The following GLIS3 variants were observed in gnomAD, a reference collection of about 807,000 sequenced individuals.
GLIS3 encodes zinc finger protein GLIS3.
Under a neutral mutation model 78.6 loss-of-function variants are expected in GLIS3, and 53 were observed. The ratio of observed to expected loss-of-function variants is 0.67; its 90% CI spans 0.54 to 0.85. The LOEUF (loss-of-function observed/expected upper bound fraction) is 0.85. Ranked by LOEUF, GLIS3 falls within the 40% of genes least tolerant of loss-of-function variation. The pLI is 0.00. For synonymous variants in GLIS3, 684 were observed against 509.9 expected, an observed-to-expected ratio of 1.34 and a Z score of -4.60; for missense variants, 1,703 against 1,231.1, an observed-to-expected ratio of 1.38 and a Z score of -5.74.
chr9:4,030,875 G>T (rs1288089334), intron 4 of GLIS3, among the ~76,000 whole-genome samples: 2 of 152,152 alleles, frequency 1.3e-5, no homozygotes, highest in Non-Finnish European at 2.9e-5. Context: ...AGCATCATGT[G>T]CTGACATTAT....
chr9:4,222,456 T>A (rs191788495), intron 2 of GLIS3, among the ~76,000 whole-genome samples: 1 of 152,194 alleles, frequency 6.6e-6, no homozygotes, highest in Admixed American at 6.5e-5. Flanking sequence ...GCCTACCCTA[T>A]CCCCCTGTGT....
At chr9:4,119,776 T>A (rs1832042466) in intron 3 of GLIS3, among the ~76,000 whole-genome samples, 1 of 152,232 alleles carries the variant, frequency 6.6e-6, no homozygotes, top group Admixed American at 6.5e-5. Flanking sequence ...CACAATATAT[T>A]ATCTGCATAT....
chr9:4,398,914 C>G, the GLIS3 span, among the ~76,000 whole-genome samples: 1 of 152,162 alleles, frequency 6.6e-6, no homozygotes, highest in Non-Finnish European at 1.5e-5. Flanking sequence ...GTCTTGAACT[C>G]CTAACCTTGT....
intron 4 of GLIS3, among the ~76,000 whole-genome samples, chr9:4,005,249 ATG>A (rs1821449962): frequency 6.6e-6 from 1 of 152,230 alleles, no homozygotes; most frequent in Non-Finnish European, 1.5e-5. Context: ...AAAATTTGAA[ATG>A]TGCATACTCT....
rs1821587705 is a variant in GLIS3 at position 3,879,573 on chromosome 9, A to G, written c.2151T>C (p.Tyr717=). 1 of 1,614,086 alleles carries G rather than the reference A, an allele frequency of 6.2e-7. No homozygotes were observed. The highest frequency in any genetic ancestry group is 8.5e-7 in the Non-Finnish European group (1 of 1,180,000). The part of the protein sequence containing the change: ...LYSAPIFSSN[Y]SSRSGTAAGA... ...CAGCAGCTGTTCCACTTCGGCTTGAATAATTGCTGGAGAAAATGGGAGCTG... is the reference window on the plus strand; with the variant it reads ...CAGCAGCTGTTCCACTTCGGCTTGAGTAATTGCTGGAGAAAATGGGAGCTG... The change falls in exon 8 of 11, where the codon TAT becomes TAC. Residue 717 remains tyrosine (Y), a synonymous_variant. Coordinates refer to ENST00000381971, the MANE Select transcript of GLIS3 (RefSeq NM_001042413.2).
chr9:4,025,018 G>A (rs183503121), intron 4 of GLIS3, among the ~76,000 whole-genome samples: 2 of 152,246 alleles, frequency 1.3e-5, no homozygotes, highest in East Asian at 3.9e-4. Flanking sequence ...GGAGGCCGAA[G>A]CGGGCAGATC....
intron 4 of GLIS3, among the ~76,000 whole-genome samples, chr9:4,076,439 C>G (rs893149772): frequency 1.3e-5 from 2 of 152,066 alleles, no homozygotes; most frequent in African/African-American, 4.8e-5. Context: ...TGCTCCCATA[C>G]CTAAAGTTTT....
chr9:4,163,053 G>A (rs1835621266), intron 2 of GLIS3, among the ~76,000 whole-genome samples: 3 of 152,200 alleles, frequency 2.0e-5, no homozygotes, highest in South Asian at 2.1e-4. Flanking sequence ...AACAATGCCT[G>A]GGCATCATGC....
At chr9:3,953,791 C>A (rs987032758) in intron 4 of GLIS3, among the ~76,000 whole-genome samples, 2,359 of 46,586 alleles carry the variant, frequency 0.051, 35 homozygotes, top group African/African-American at 0.073. Flanking sequence ...CTCTCTCTCT[C>A]TCTCTATATA....
chr9:4,042,167 G>A (rs1419661896), intron 4 of GLIS3, among the ~76,000 whole-genome samples: 3 of 152,020 alleles, frequency 2.0e-5, no homozygotes, highest in Non-Finnish European at 1.5e-5. Flanking sequence ...TTGGTCAGGA[G>A]CTTCCTGAAG....
chr9:4,111,580 C>T (rs1831211851), intron 4 of GLIS3, among the ~76,000 whole-genome samples: 1 of 152,178 alleles, frequency 6.6e-6, no homozygotes, highest in South Asian at 2.1e-4. Flanking sequence ...GTGGTCAATG[C>T]CCCATCTAAT....
chr9:4,106,534 T>C (rs1248471063), intron 4 of GLIS3, among the ~76,000 whole-genome samples: 1 of 152,154 alleles, frequency 6.6e-6, no homozygotes, highest in Non-Finnish European at 1.5e-5. Context: ...GGCAATTTCA[T>C]TTTGTTTGAA....
At chr9:4,134,139 C>T (rs1586766990) in intron 2 of GLIS3, among the ~76,000 whole-genome samples, 1 of 152,174 alleles carries the variant, frequency 6.6e-6, no homozygotes, top group East Asian at 1.9e-4. Flanking sequence ...ACTGTGCAAA[C>T]CTGTTTTATA....
At chr9:4,007,929 C>G (rs1479588523) in intron 4 of GLIS3, among the ~76,000 whole-genome samples, 1 of 151,214 alleles carries the variant, frequency 6.6e-6, no homozygotes, top group African/African-American at 2.4e-5. Flanking sequence ...TCTCTTATCA[C>G]TCCAGATAGC....
intron 4 of GLIS3, among the ~76,000 whole-genome samples, chr9:4,043,025 T>G (rs1563979440): frequency 6.6e-6 from 1 of 150,650 alleles, no homozygotes; most frequent in African/African-American, 2.4e-5. Context: ...TCAAAAGAAA[T>G]GGCTATTCTT....
chr9:4,437,078 T>C, the GLIS3 span, among the ~76,000 whole-genome samples: 1 of 151,998 alleles, frequency 6.6e-6, no homozygotes, highest in Non-Finnish European at 1.5e-5. Context: ...CATCAGGGTA[T>C]GAGGAAATAG....
chr9:4,068,792 A>G (rs1197229491), intron 4 of GLIS3, among the ~76,000 whole-genome samples: 1 of 151,466 alleles, frequency 6.6e-6, no homozygotes, highest in Non-Finnish European at 1.5e-5. Flanking sequence ...TCTTGACTAC[A>G]GGTTTTTGTT....
the GLIS3 span, among the ~76,000 whole-genome samples, chr9:4,366,018 G>C: frequency 6.6e-6 from 1 of 152,212 alleles, no homozygotes; most frequent in Non-Finnish European, 1.5e-5. Flanking sequence ...AGAGCTAGCA[G>C]GGAAGGAAAG....
the GLIS3 span, among the ~76,000 whole-genome samples, chr9:4,361,564 TTCTC>T: frequency 6.6e-6 from 1 of 152,218 alleles, no homozygotes; most frequent in African/African-American, 2.4e-5. Context: ...TATTAACCAC[TTCTC>T]TCTGTTACTC....
Sources: allele counts gnomAD v4.1 joint callset (sites outside exome capture counted in the v4.1 genomes callset), GRCh38; gene constraint gnomAD v4.1.1; transcripts MANE v1.5; gene names NCBI Gene and HGNC (gene_info 2026-07-23, HGNC 2026-07-21).